SPIN1: variants seen among roughly 807,000 people sequenced by gnomAD.
SPIN1 encodes spindlin-1.
A neutral mutation model predicts 26.0 loss-of-function variants in SPIN1; 3 were observed. The observed-to-expected ratio is 0.12, with a 90% CI of 0.05 to 0.30. SPIN1 has a LOEUF of 0.30. SPIN1 is among the 10% of genes least tolerant of loss of function. The pLI, the probability that SPIN1 is intolerant of heterozygous loss-of-function variation, is 1.00. For synonymous variants in SPIN1, 101 were observed against 116.5 expected, an observed-to-expected ratio of 0.87 and a Z score of 0.86; for missense variants, 126 against 333.4, an observed-to-expected ratio of 0.38 and a Z score of 4.84.
intron 1 of SPIN1, among the ~76,000 whole-genome samples, chr9:88,411,948 G>C (rs573029909): frequency 6.6e-6 from 1 of 151,538 alleles, no homozygotes; most frequent in Non-Finnish European, 1.5e-5. Flanking sequence ...GAGACGGGCA[G>C]ATCACGAGGT....
intron 1 of SPIN1, among the ~76,000 whole-genome samples, chr9:88,419,461 C>G (rs1199734997): frequency 6.6e-6 from 1 of 152,120 alleles, no homozygotes; most frequent in Non-Finnish European, 1.5e-5. Context: ...CACCACTGCT[C>G]CATCTGTGAG....
intron 2 of SPIN1, among the ~76,000 whole-genome samples, chr9:88,442,939 G>T (rs554024377): frequency 1.3e-5 from 2 of 151,306 alleles, no homozygotes; most frequent in African/African-American, 4.9e-5. Context: ...GACCAACATG[G>T]TGAAACCCTG....
chr9:88,420,948 C>T (rs141837020), intron 1 of SPIN1, among the ~76,000 whole-genome samples: 4 of 152,288 alleles, frequency 2.6e-5, no homozygotes, highest in Non-Finnish European at 4.4e-5. Context: ...GTACACGTAG[C>T]CTCTGCTCTG....
At chr9:88,415,910 AT>A (rs34382784) in intron 1 of SPIN1, among the ~76,000 whole-genome samples, 31,009 of 131,638 alleles carry the variant, frequency 0.24, 5,177 homozygotes, top group African/African-American at 0.53. Flanking sequence ...TGCTCGGCTA[AT>A]TTTTTTTTTT....
intron 3 of SPIN1, among the ~76,000 whole-genome samples, chr9:88,454,246 T>G (rs1397602683): frequency 6.6e-6 from 1 of 152,184 alleles, no homozygotes; most frequent in Non-Finnish European, 1.5e-5. Flanking sequence ...ATTGAAGGGC[T>G]TTTAACAATA....
intron 1 of SPIN1, among the ~76,000 whole-genome samples, chr9:88,409,742 G>T (rs1368622791): frequency 6.6e-6 from 1 of 151,974 alleles, no homozygotes; most frequent in East Asian, 1.9e-4. Context: ...GGAGGCTGAG[G>T]CAGGAGAATG....
Position 88,413,197 on chromosome 9 carries a change from G to T in SPIN1, c.-158-13185G>T, listed in dbSNP as rs1185814473. Among the ~76,000 whole-genome samples, 5 of 150,582 alleles carry T rather than the reference G, an allele frequency of 3.3e-5. No homozygotes were observed. In the East Asian group the frequency reaches 9.9e-4, roughly 30 times the overall value. On this transcript the variant is annotated intron_variant, in intron 1 of 5. Transcript: ENST00000375859. ...TTCTCCTGCCTCAGCCTCCTGAGTA[G>T]CTCGCACTACAGGTGCGTGCCACCA...
chr9:88,445,702 T>A (rs1304359494), intron 2 of SPIN1, among the ~76,000 whole-genome samples: 1 of 151,690 alleles, frequency 6.6e-6, no homozygotes, highest in Non-Finnish European at 1.5e-5. Flanking sequence ...AGCTTTTTTT[T>A]TTCCCCCCGT....
intron 1 of SPIN1, among the ~76,000 whole-genome samples, chr9:88,424,075 C>T (rs1410995056): frequency 2.0e-5 from 3 of 151,996 alleles, no homozygotes; most frequent in Admixed American, 6.6e-5. Flanking sequence ...GCCTTTACAT[C>T]GTGTGTTGTA....
chr9:88,408,331 C>T (rs1827354103), intron 1 of SPIN1, among the ~76,000 whole-genome samples: 1 of 147,644 alleles, frequency 6.8e-6, no homozygotes, highest in Non-Finnish European at 1.5e-5. Context: ...CCTTGTCATG[C>T]TTCATCCTGG....
chr9:88,424,126 A>G (rs759214632), intron 1 of SPIN1, among the ~76,000 whole-genome samples: 2 of 152,122 alleles, frequency 1.3e-5, no homozygotes, highest in African/African-American at 2.4e-5. Flanking sequence ...ATACAGAGAA[A>G]AAGTATGGGA....
At chr9:88,412,448 C>T (rs1209090685) in intron 1 of SPIN1, among the ~76,000 whole-genome samples, 3 of 151,998 alleles carry the variant, frequency 2.0e-5, no homozygotes, top group Non-Finnish European at 2.9e-5. Context: ...TTGATCCTTG[C>T]GGGTGGCCTT....
intron 2 of SPIN1, among the ~76,000 whole-genome samples, chr9:88,437,224 G>A (rs190546893): frequency 3.3e-5 from 5 of 152,196 alleles, no homozygotes; most frequent in South Asian, 2.1e-4. Context: ...TAGGCCGGGG[G>A]TGGTGGCTCA....
intron 1 of SPIN1, among the ~76,000 whole-genome samples, chr9:88,412,553 C>T (rs1048688422): frequency 1.3e-5 from 2 of 152,068 alleles, no homozygotes; most frequent in African/African-American, 4.8e-5. Flanking sequence ...TTTATGAAAC[C>T]TATGGATGCC....
chr9:88,465,376 G>GTTTTCCACAGCAGTTGTACCA (rs1828646334), intron 4 of SPIN1, among the ~76,000 whole-genome samples: 2 of 152,276 alleles, frequency 1.3e-5, no homozygotes, highest in African/African-American at 4.8e-5. Flanking sequence ...CTACCATACT[G>GTTTTCCACAGCAGTTGTACCA]TTTTCCACAG....
chr9:88,398,869 G>C (rs1179456018), intron 1 of SPIN1, among the ~76,000 whole-genome samples: 1 of 148,274 alleles, frequency 6.7e-6, no homozygotes, highest in African/African-American at 2.5e-5. Context: ...GCCCGGCCTT[G>C]TTGACTTTTA....
At chr9:88,430,077 C>T (rs557521981) in intron 2 of SPIN1, among the ~76,000 whole-genome samples, 3 of 152,334 alleles carry the variant, frequency 2.0e-5, no homozygotes, top group East Asian at 3.9e-4. Flanking sequence ...TCTGCTGCTT[C>T]TAAGTCCCTG....
intron 2 of SPIN1, among the ~76,000 whole-genome samples, chr9:88,441,434 T>G (rs1373606260): frequency 6.8e-6 from 1 of 147,734 alleles, no homozygotes; most frequent in Non-Finnish European, 1.5e-5. Context: ...CGCGCCCATG[T>G]GTGTGTACAT....
intron 3 of SPIN1, chr9:88,457,699 G>A: frequency 6.2e-6 from 2 of 320,052 alleles, no homozygotes; most frequent in Non-Finnish European, 9.0e-6. Flanking sequence ...GTATACACAG[G>A]CAATTCAGGG....
Sources: gnomAD v4.1 joint callset for allele counts (sites outside exome capture counted in the v4.1 genomes callset) on GRCh38, gnomAD v4.1.1 for gene constraint, MANE v1.5 for transcripts, NCBI Gene and HGNC (gene_info 2026-07-23, HGNC 2026-07-21) for gene names.